Variants in SMCHD1 observed in about 807,000 individuals in gnomAD.
SMCHD1 encodes the protein structural maintenance of chromosomes flexible hinge domain containing 1, also known as structural maintenance of chromosomes flexible hinge domain-containing protein 1.
Under a neutral mutation model 254.7 loss-of-function variants are expected in SMCHD1, and 78 were observed. The observed-to-expected ratio is 0.31, with a 90% CI of 0.26 to 0.37. The LOEUF (loss-of-function observed/expected upper bound fraction) is 0.37. SMCHD1 is among the 10% of genes least tolerant of loss of function. The probability of loss-of-function intolerance (pLI) is 1.00; values close to 1 mark genes in which losing one functional copy is unlikely to be tolerated. For missense variants in SMCHD1, 1,840 were observed against 2,408.1 expected (o/e 0.76, Z 4.94); for synonymous variants, 766 against 794.9 (o/e 0.96, Z 0.61).
intron 28 of SMCHD1, among the ~76,000 whole-genome samples, chr18:2,743,554 C>T (rs2075390993): frequency 6.6e-6 from 1 of 152,044 alleles, no homozygotes; most frequent in Non-Finnish European, 1.5e-5. Flanking sequence ...TTTAGATCCC[C>T]TACCCCTTGA....
intron 17 of SMCHD1, among the ~76,000 whole-genome samples, chr18:2,710,496 A>G (rs1190847658): frequency 6.6e-6 from 1 of 152,192 alleles, no homozygotes; most frequent in East Asian, 1.9e-4. Context: ...TACCTTAGCA[A>G]TTGTAAGTCA....
chr18:2,759,863 C>G (rs72866516), intron 34 of SMCHD1, among the ~76,000 whole-genome samples: 1 of 152,110 alleles, frequency 6.6e-6, no homozygotes, highest in Non-Finnish European at 1.5e-5. Context: ...AGCCACTGCG[C>G]CCAGCCTTGT....
chr18:2,724,577 T>G (rs2074989252), intron 20 of SMCHD1, among the ~76,000 whole-genome samples: 1 of 152,182 alleles, frequency 6.6e-6, no homozygotes, highest in Non-Finnish European at 1.5e-5. Context: ...TTTCCTTTCC[T>G]TAGGCTTGTA....
intron 28 of SMCHD1, among the ~76,000 whole-genome samples, chr18:2,741,764 G>A (rs369178611): frequency 2.6e-5 from 4 of 152,086 alleles, no homozygotes; most frequent in African/African-American, 4.8e-5. Context: ...ATCACTCTGC[G>A]CACAGGCTCC....
At chr18:2,659,131 T>A (rs972669908) in intron 1 of SMCHD1, among the ~76,000 whole-genome samples, 1 of 152,194 alleles carries the variant, frequency 6.6e-6, no homozygotes, top group African/African-American at 2.4e-5. Context: ...TTATTTATTT[T>A]TTTTGAGACG....
At chr18:2,663,446 T>A (rs1205838436) in intron 1 of SMCHD1, among the ~76,000 whole-genome samples, 1 of 152,178 alleles carries the variant, frequency 6.6e-6, no homozygotes, top group Non-Finnish European at 1.5e-5. Flanking sequence ...CCCTTTATGC[T>A]CACTCAAAAT....
chr18:2,775,068 ATTTTTTTTTTTTTTT>A lies in SMCHD1; in HGVS notation c.5176-649_5176-635del, dbSNP rs10601895. Among the ~76,000 whole-genome samples, 24 of 73,060 alleles carry A rather than the reference ATTTTTTTTTTTTTTT, an allele frequency of 3.3e-4. 1 individual carries two copies. The highest frequency in any genetic ancestry group is 1.9e-3 in the Admixed American group (9 of 4,690). The allele number at this position is 73,060 out of a possible 152,430, so 47.9% of individuals were successfully genotyped here. ...CCTAGAAACAGAAGCAAAAGGAACA[ATTTTTTTTTTTTTTT>A]TTTTTTTTTTTTTTTTGGAGACAGG... On this transcript the variant is annotated intron_variant, in intron 41 of 47. Coordinates refer to ENST00000320876, the MANE Select transcript of SMCHD1 (RefSeq NM_015295.3).
chr18:2,732,606 G>A (rs551410576), intron 25 of SMCHD1, 114 bp downstream of exon 25: 199 of 636,784 alleles, frequency 3.1e-4, no homozygotes, highest in Middle Eastern at 3.1e-3. Flanking sequence ...TCACAGAAAA[G>A]TTATACTATC....
At chr18:2,673,072 C>T in intron 3 of SMCHD1, 2 of 985,308 alleles carry the variant, frequency 2.0e-6, no homozygotes, top group Non-Finnish European at 2.4e-6. Context: ...CTGTATAGTG[C>T]CATACAAGTA....
intron 3 of SMCHD1, among the ~76,000 whole-genome samples, chr18:2,671,203 T>C (rs2073589272): frequency 6.6e-6 from 1 of 152,108 alleles, no homozygotes; most frequent in Admixed American, 6.5e-5. Flanking sequence ...CCCAAAGTGC[T>C]GGGATTACAG....
chr18:2,785,769 G>A (rs2076230263), intron 45 of SMCHD1, among the ~76,000 whole-genome samples: 1 of 146,796 alleles, frequency 6.8e-6, no homozygotes, highest in Non-Finnish European at 1.5e-5. Context: ...ACTCTCCATT[G>A]TCCATTCCCT....
chr18:2,702,604 G>C (rs186581951), intron 12 of SMCHD1, among the ~76,000 whole-genome samples: 3 of 152,278 alleles, frequency 2.0e-5, no homozygotes, highest in Non-Finnish European at 2.9e-5. Context: ...ATTTGGGAAA[G>C]AGTTGGTACC....
rs568064468 is a variant in SMCHD1, at chr18:2,684,046, AT to A, written c.639-4343del. Among the ~76,000 whole-genome samples, 100 of 152,112 alleles carry A rather than the reference AT, an allele frequency of 6.6e-4. 2 individuals carry two copies. The highest frequency in any genetic ancestry group is 2.4e-4 in the Non-Finnish European group (16 of 68,000). ...GTATAATGAGCATTTCAGATTTTGTATTTTTGAATTTGAGATGCTCAACTTG... is the reference window on the plus strand; with the variant it reads ...GTATAATGAGCATTTCAGATTTTGTATTTTGAATTTGAGATGCTCAACTTG... On this transcript the variant is annotated intron_variant, in intron 5 of 47. Coordinates refer to ENST00000320876, the MANE Select transcript of SMCHD1 (RefSeq NM_015295.3).
chr18:2,773,225 A>AT (rs2143756887), intron 41 of SMCHD1, among the ~76,000 whole-genome samples: 1 of 152,330 alleles, frequency 6.6e-6, no homozygotes. Context: ...TTAAATATAA[A>AT]TTTATGTATT....
At chr18:2,743,682 A>G in intron 28 of SMCHD1, 79 bp from the exon 29 acceptor site, 1 of 1,078,320 alleles carries the variant, frequency 9.3e-7, no homozygotes, top group Non-Finnish European at 1.3e-6. Flanking sequence ...CCCATGGGTT[A>G]ATGACAAAAC....
intron 5 of SMCHD1, among the ~76,000 whole-genome samples, chr18:2,686,761 G>C (rs1598314561): frequency 6.6e-6 from 1 of 151,888 alleles, no homozygotes; most frequent in East Asian, 1.9e-4. Context: ...GTATTGTGAG[G>C]GGATACTTTT....
chr18:2,667,399 C>T (rs1430549031), intron 3 of SMCHD1, among the ~76,000 whole-genome samples: 4 of 152,150 alleles, frequency 2.6e-5, no homozygotes, highest in East Asian at 1.9e-4. Context: ...AGCTAGGTTG[C>T]GTAAGTAAGA....
chr18:2,795,840 T>A, intron 45 of SMCHD1, 109 bp from the exon 46 acceptor site: 2 of 782,570 alleles, frequency 2.6e-6, no homozygotes, highest in Non-Finnish European at 3.9e-6. Flanking sequence ...TAAAAGTAGA[T>A]CCCCTATGTT....
chr18:2,802,563 A>T lies in SMCHD1; in HGVS notation c.*11A>T, dbSNP rs774715186. 1.3e-6 allele frequency: 2 copies of T among 1,552,464 alleles called. No individual in the cohort carries two copies. The highest frequency in any genetic ancestry group is 1.7e-6 in the Non-Finnish European group (2 of 1,147,364). On this transcript the variant is annotated 3_prime_UTR_variant, in exon 48 of 48. Transcript: ENST00000320876. ...AAAACAGATGTATGAGAGGTGACAG[A>T]GAGAAGAGGCCATTGGTCTCAGTAA...
Sources: allele counts gnomAD v4.1 joint callset (sites outside exome capture counted in the v4.1 genomes callset), GRCh38; gene constraint gnomAD v4.1.1; transcripts MANE v1.5; gene names NCBI Gene and HGNC (gene_info 2026-07-23, HGNC 2026-07-21).